The following GPHN variants were observed in gnomAD, a reference collection of about 807,000 sequenced individuals.
GPHN encodes the protein gephyrin.
GPHN carries 17 observed loss-of-function variants against 95.5 expected under a neutral mutation model. The observed-to-expected ratio is 0.18, with a 90% CI of 0.12 to 0.27. GPHN has a LOEUF of 0.27. Ranked by LOEUF, GPHN falls within the 10% of genes least tolerant of loss-of-function variation. The pLI, the probability that GPHN is intolerant of heterozygous loss-of-function variation, is 1.00. For synonymous variants in GPHN, 320 were observed against 322.5 expected, an observed-to-expected ratio of 0.99 and a Z score of 0.08; for missense variants, 660 against 978.1, an observed-to-expected ratio of 0.67 and a Z score of 4.34.
chr14:66,803,820 C>A (rs1234625914), intron 3 of GPHN, among the ~76,000 whole-genome samples: 1 of 151,922 alleles, frequency 6.6e-6, no homozygotes, highest in Non-Finnish European at 1.5e-5. Flanking sequence ...GCATTATTTA[C>A]CCCTGATGAA....
intron 9 of GPHN, among the ~76,000 whole-genome samples, chr14:66,977,116 T>C (rs2070300292): frequency 6.6e-6 from 1 of 152,172 alleles, no homozygotes; most frequent in Admixed American, 6.5e-5. Flanking sequence ...ACATGTGTTG[T>C]ATACCTGTGT....
the GPHN span, among the ~76,000 whole-genome samples, chr14:67,651,989 C>T: frequency 2.0e-5 from 3 of 152,322 alleles, no homozygotes; most frequent in African/African-American, 7.2e-5. Flanking sequence ...CATAAAGAAT[C>T]CAACCTCTGG....
intron 1 of GPHN, among the ~76,000 whole-genome samples, chr14:66,559,597 T>C (rs1439519569): frequency 1.3e-5 from 2 of 151,956 alleles, no homozygotes; most frequent in South Asian, 2.1e-4. Context: ...TTTGTTTTTT[T>C]CTTGTAAATT....
chr14:66,655,929 C>A (rs1286772321), intron 1 of GPHN, among the ~76,000 whole-genome samples: 4 of 152,114 alleles, frequency 2.6e-5, no homozygotes, highest in Admixed American at 6.5e-5. Flanking sequence ...ACCAGCCTTG[C>A]ATACATGGAA....
At position 66,862,371 on chromosome 14, in the gene GPHN, T is replaced by G. The variant is rs12590085; in HGVS notation, c.295-17568T>G. On this transcript the variant is annotated intron_variant, in intron 4 of 22. Transcript: ENST00000478722. ...AAAAGTATCCCAGTGAAGAAAAGCC[T>G]GAGATCCAATTCCCTGCTGAATTCT... Among the ~76,000 whole-genome samples the G allele has an allele frequency of 0.042, 6,335 of 151,940 alleles. 815 individuals carry two copies. The East Asian group carries it at 0.43, about 10-fold the overall frequency.
At position 66,920,636 on chromosome 14, in the gene GPHN, T is replaced by C. The variant is rs560677632; in HGVS notation, c.457-2030T>C. Among the ~76,000 whole-genome samples, 6 of 151,916 alleles carry C rather than the reference T, an allele frequency of 3.9e-5. No homozygotes were observed. In the East Asian group the frequency reaches 1.2e-3, roughly 29 times the overall value. ...TAAGTTATTGGGGTACAGGTGGTAT[T>C]TGCTTACATGAGTAAGTTCTTTAGT... On this transcript the variant is annotated intron_variant, in intron 6 of 22. Transcript: ENST00000478722.
the GPHN span, among the ~76,000 whole-genome samples, chr14:67,654,874 G>A: frequency 1.3e-3 from 195 of 151,352 alleles, no homozygotes; most frequent in Non-Finnish European, 9.6e-4. Context: ...CTAAAAATAC[G>A]AAAAATTAGC....
At position 66,776,495 on chromosome 14, in the gene GPHN, G is replaced by C; in HGVS notation, c.175G>C (p.Val59Leu). Residue 59 changes from valine (V) to leucine (L), a missense_variant, in exon 3 of 23, where the codon GTA becomes CTA. Val to Leu is a conservative substitution (Grantham distance 32, BLOSUM62 1). This residue lies in a region of GPHN where 92 missense variants were observed against 91.9 expected (regional missense o/e 1.00). Coordinates refer to ENST00000478722, the MANE Select transcript of GPHN (RefSeq NM_020806.5). ...TGGGACTATATCAGCATACAAGATA[G>C]TACCAGATGAAATAGAAGAAATCAA... ...LGGTISAYKI[V>L]PDEIEEIKET... is the part of the protein sequence containing the mutation. 6.3e-7 allele frequency: 1 copy of C among 1,580,834 alleles called. No homozygotes were observed.
At chr14:67,632,470 T>C in the GPHN span, among the ~76,000 whole-genome samples, 1 of 152,172 alleles carries the variant, frequency 6.6e-6, no homozygotes, top group Non-Finnish European at 1.5e-5. Context: ...AACTTTATTA[T>C]GGCCACCCAG....
chr14:67,100,919 T>G lies in GPHN; in HGVS notation c.1293+8T>G, dbSNP rs769473957. Reference sequence around the variant, plus strand: ...TCCCAAGCTGGTGAACAGGTGAGATTGATAGGCCTGAAAGGCACTGAAGAT... The same window carrying G: ...TCCCAAGCTGGTGAACAGGTGAGATGGATAGGCCTGAAAGGCACTGAAGAT... On this transcript the variant is annotated splice_region_variant and intron_variant, in intron 13 of 22. Transcript: ENST00000478722. 33 of 1,536,656 alleles carry G rather than the reference T, an allele frequency of 2.1e-5. No homozygotes were observed. The highest frequency in any genetic ancestry group is 2.8e-5 in the Non-Finnish European group (31 of 1,109,406).
At chr14:67,722,632 A>G in the GPHN span, 1 of 1,613,138 alleles carries the variant, frequency 6.2e-7, no homozygotes, top group South Asian at 1.1e-5. Context: ...GCAGCTACAG[A>G]AGTTGGAACG....
At chr14:67,562,571 A>G in the GPHN span, 14 of 1,612,240 alleles carry the variant, frequency 8.7e-6, no homozygotes, top group Non-Finnish European at 1.0e-5. Flanking sequence ...GACCCTACCA[A>G]AGGTGCGGGC....
the GPHN span, among the ~76,000 whole-genome samples, chr14:67,276,178 A>G: frequency 1.3e-5 from 2 of 148,698 alleles, no homozygotes; most frequent in African/African-American, 5.1e-5. Flanking sequence ...AAATGTTTTA[A>G]TTATTCTTAC....
At chr14:67,342,899 A>G in the GPHN span, among the ~76,000 whole-genome samples, 2 of 152,148 alleles carry the variant, frequency 1.3e-5, no homozygotes, top group African/African-American at 2.4e-5. Flanking sequence ...CTAAGCAGTC[A>G]TATTTTTTAA....
intron 1 of GPHN, among the ~76,000 whole-genome samples, chr14:66,571,229 G>A (rs988310402): frequency 1.3e-5 from 2 of 152,116 alleles, no homozygotes; most frequent in East Asian, 1.9e-4. Flanking sequence ...GAAGTGGGAA[G>A]AGCCCCTTAG....
At chr14:66,654,859 T>C (rs1477416087) in intron 1 of GPHN, among the ~76,000 whole-genome samples, 5 of 152,218 alleles carry the variant, frequency 3.3e-5, no homozygotes, top group African/African-American at 7.2e-5. Context: ...TTTTTGCCTA[T>C]GGATATGCAC....
the GPHN span, among the ~76,000 whole-genome samples, chr14:67,234,261 A>G: frequency 1.5e-4 from 23 of 152,338 alleles, no homozygotes; most frequent in African/African-American, 5.0e-4. Context: ...ATTCAATTTT[A>G]GAGCTTTGGG....
At chr14:66,888,298 A>G (rs190986724) in intron 5 of GPHN, among the ~76,000 whole-genome samples, 1 of 152,328 alleles carries the variant, frequency 6.6e-6, no homozygotes, top group Admixed American at 6.5e-5. Context: ...ATAAAAAATC[A>G]TGACAGAGTC....
At chr14:67,257,879 C>T in the GPHN span, among the ~76,000 whole-genome samples, 1 of 152,100 alleles carries the variant, frequency 6.6e-6, no homozygotes, top group Non-Finnish European at 1.5e-5. Flanking sequence ...ATACGTACAA[C>T]ACATATGCAA....
Sources: allele counts gnomAD v4.1 joint callset (sites outside exome capture counted in the v4.1 genomes callset), GRCh38; gene constraint gnomAD v4.1.1; regional missense constraint gnomAD v4.1.1; transcripts MANE v1.5; gene names NCBI Gene and HGNC (gene_info 2026-07-23, HGNC 2026-07-21).